TBC1D22A: variants seen among roughly 807,000 people sequenced by gnomAD.
The protein encoded by TBC1D22A is TBC1 domain family member 22A.
Under a neutral mutation model 60.2 loss-of-function variants are expected in TBC1D22A, and 38 were observed. The ratio of observed to expected loss-of-function variants is 0.63; its 90% CI spans 0.49 to 0.83. The LOEUF (loss-of-function observed/expected upper bound fraction) is 0.83. TBC1D22A is among the 40% of genes least tolerant of loss of function. The pLI is 0.00. For synonymous variants in TBC1D22A, 302 were observed against 281.7 expected, an observed-to-expected ratio of 1.07 and a Z score of -0.72; for missense variants, 628 against 701.0, an observed-to-expected ratio of 0.90 and a Z score of 1.18.
At chr22:46,779,548 A>G (rs1271893840) in intron 1 of TBC1D22A, among the ~76,000 whole-genome samples, 4 of 152,136 alleles carry the variant, frequency 2.6e-5, no homozygotes, top group African/African-American at 9.7e-5. Flanking sequence ...CGTGAGCCAC[A>G]GCGCCTGGCC....
At chr22:47,153,096 AT>A (rs2067571882) in intron 12 of TBC1D22A, among the ~76,000 whole-genome samples, 1 of 152,172 alleles carries the variant, frequency 6.6e-6, no homozygotes, top group Non-Finnish European at 1.5e-5. Context: ...TGTGGCTTCC[AT>A]TCTCAGAGGC....
Position 46,862,204 on chromosome 22 carries a change from G to A in TBC1D22A, c.638-16449G>A, listed in dbSNP as rs535473179. Among the ~76,000 whole-genome samples, 3 of 152,330 alleles carry A rather than the reference G, an allele frequency of 2.0e-5. No homozygotes were observed. The East Asian group carries it at 5.8e-4, about 29-fold the overall frequency. ...GTATGGAACCTGGCGCACAGTAGGT[G>A]CTCAGTGAATGTCAGCTTTTGTTCC... On this transcript the variant is annotated intron_variant, in intron 4 of 12. Transcript: ENST00000337137.
chr22:46,795,789 G>A (rs778489424), intron 3 of TBC1D22A, among the ~76,000 whole-genome samples: 4 of 152,182 alleles, frequency 2.6e-5, no homozygotes, highest in Non-Finnish European at 5.9e-5. Flanking sequence ...GGCCCCTTAC[G>A]TGTCCTGATG....
intron 4 of TBC1D22A, among the ~76,000 whole-genome samples, chr22:46,862,605 G>A (rs1021014806): frequency 5.9e-5 from 9 of 152,338 alleles, no homozygotes; most frequent in South Asian, 2.1e-4. Flanking sequence ...GCGGGGCTGC[G>A]GGAATTGGCT....
At chr22:47,076,999 C>G (rs5769354) in intron 11 of TBC1D22A, among the ~76,000 whole-genome samples, 35,910 of 152,076 alleles carry the variant, frequency 0.24, 5,398 homozygotes, top group East Asian at 0.57. Context: ...GCCTTCTTCA[C>G]TGAAGGATGC....
chr22:47,139,126 C>G (rs2066987772), intron 12 of TBC1D22A, among the ~76,000 whole-genome samples: 1 of 152,246 alleles, frequency 6.6e-6, no homozygotes, highest in Admixed American at 6.5e-5. Context: ...TGAGTCCCAC[C>G]CTGAGCCTTT....
intron 4 of TBC1D22A, among the ~76,000 whole-genome samples, chr22:46,828,577 G>A (rs923532710): frequency 2.0e-5 from 3 of 152,228 alleles, no homozygotes; most frequent in African/African-American, 7.2e-5. Flanking sequence ...CTTCCTGCCC[G>A]TCTCCCACAG....
chr22:47,087,368 A>C lies in TBC1D22A; in HGVS notation c.1330-24140A>C, dbSNP rs75539402. Among the ~76,000 whole-genome samples, 749 of 152,356 alleles carry C rather than the reference A, an allele frequency of 4.9e-3. 11 individuals are homozygous for C. Among genetic ancestry groups the C allele is most frequent in the African/African-American group, 0.017 (719 of 41,594 alleles). On this transcript the variant is annotated intron_variant, in intron 11 of 12. Coordinates refer to ENST00000337137, the MANE Select transcript of TBC1D22A (RefSeq NM_014346.5). ...CATGTATTGCTTTACATAATTATAA[A>C]GCCAAACTAAGCCCAAATCAGAAAG...
chr22:47,059,105 A>G (rs1339648134), intron 11 of TBC1D22A, among the ~76,000 whole-genome samples: 1 of 152,260 alleles, frequency 6.6e-6, no homozygotes, highest in African/African-American at 2.4e-5. Flanking sequence ...GCCACCTTAC[A>G]GATGAGAACA....
At chr22:47,104,709 A>G (rs1242780434) in intron 11 of TBC1D22A, among the ~76,000 whole-genome samples, 3 of 152,038 alleles carry the variant, frequency 2.0e-5, no homozygotes, top group Non-Finnish European at 4.4e-5. Context: ...AAAAAAAAAA[A>G]AAAGATTCAA....
In TBC1D22A at chr22:47,028,842, C is replaced by T. The variant is rs2062355682; in HGVS notation, c.1202-8229C>T. On this transcript the variant is annotated intron_variant, in intron 10 of 12. Transcript: ENST00000337137. The surrounding 1 kb of genome is among the most constrained non-coding windows in gnomAD (Gnocchi z 4.4). ...ATGGTGGTGGGAGCATTCTGTTTGT[C>T]CCCAAATGTGGGACACCACCGCACG... 6.6e-6 allele frequency among the ~76,000 whole-genome samples: 1 copy of T among 152,188 alleles called. No homozygotes were observed. The highest frequency in any genetic ancestry group is 6.5e-5 in the Admixed American group (1 of 15,284).
At chr22:47,050,367 A>ATCTGG (rs2063169697) in intron 11 of TBC1D22A, among the ~76,000 whole-genome samples, 1 of 152,160 alleles carries the variant, frequency 6.6e-6, no homozygotes, top group Non-Finnish European at 1.5e-5. Flanking sequence ...GTTCTTCCTC[A>ATCTGG]TCTGGTTAAG....
chr22:46,891,314 A>G lies in TBC1D22A; in HGVS notation c.757A>G (p.Lys253Glu). 6.2e-7 allele frequency: 1 copy of G among 1,613,696 alleles called. No homozygotes were observed. Among genetic ancestry groups the G allele is most frequent in the Non-Finnish European group, 8.5e-7 (1 of 1,179,882 alleles). The change falls in exon 6 of 13, where the codon AAA becomes GAA. Residue 253 changes from lysine (K) to glutamate (E), a missense_variant. Lys to Glu is a moderately conservative substitution (Grantham distance 56). Transcript: ENST00000337137. ...VDRRPATLQR[K>E]QKEYFAFIEH... ...CCGGAGACCAGCCACTCTCCAGAGA[A>G]AACAAAAAGAATATTTTGCATTTAT... is the stretch of plus-strand genomic sequence containing the variant.
intron 5 of TBC1D22A, among the ~76,000 whole-genome samples, chr22:46,885,833 C>T (rs914185769): frequency 2.4e-4 from 36 of 152,166 alleles, no homozygotes; most frequent in African/African-American, 8.2e-4. Context: ...AATAATCACC[C>T]GGAAGGCACC....
rs558767627 is a variant in TBC1D22A, at chr22:47,084,923, A to G, written c.1330-26585A>G. Among the ~76,000 whole-genome samples the G allele has an allele frequency of 4.1e-3, 617 of 152,338 alleles. 4 individuals carry two copies. The highest frequency in any genetic ancestry group is 0.017 in the Middle Eastern group (5 of 294). On this transcript the variant is annotated intron_variant, in intron 11 of 12. Coordinates refer to ENST00000337137, the MANE Select transcript of TBC1D22A (RefSeq NM_014346.5). Reference sequence around the variant, plus strand: ...CAATCCAGAGGTTCATTTTCTCCTTAAACAATAGATGGTAACTCTAAGCGT... The same window carrying G: ...CAATCCAGAGGTTCATTTTCTCCTTGAACAATAGATGGTAACTCTAAGCGT...
chr22:46,910,507 C>A (rs181045293), intron 7 of TBC1D22A, among the ~76,000 whole-genome samples: 3 of 152,078 alleles, frequency 2.0e-5, no homozygotes, highest in African/African-American at 7.2e-5. Flanking sequence ...TCTGTCGGAG[C>A]GTGTGTTCCT....
intron 1 of TBC1D22A, chr22:46,763,330 C>T (rs1028893716): frequency 3.3e-5 from 5 of 150,024 alleles, no homozygotes; most frequent in African/African-American, 1.0e-4. Flanking sequence ...TAGAGTTTCC[C>T]TGTGAGTTTC....
chr22:47,021,726 T>A (rs2062097667), intron 10 of TBC1D22A, among the ~76,000 whole-genome samples: 1 of 152,268 alleles, frequency 6.6e-6, no homozygotes, highest in Non-Finnish European at 1.5e-5. Context: ...TGTTTTAAGC[T>A]GCTAAGTTTA....
intron 9 of TBC1D22A, among the ~76,000 whole-genome samples, chr22:46,988,095 C>T (rs2074796793): frequency 6.6e-6 from 1 of 152,006 alleles, no homozygotes. Flanking sequence ...AAAAAAGAAA[C>T]CACTTTTTTT....
Sources: gnomAD v4.1 joint callset for allele counts (sites outside exome capture counted in the v4.1 genomes callset) on GRCh38, gnomAD v4.1.1 for gene constraint, Gnocchi (gnomAD v3.1) non-coding constraint, MANE v1.5 for transcripts, NCBI Gene and HGNC (gene_info 2026-07-23, HGNC 2026-07-21) for gene names.